EHMT1: variants seen among roughly 807,000 people sequenced by gnomAD.
EHMT1 encodes the protein euchromatic histone lysine methyltransferase 1, also known as histone-lysine N-methyltransferase EHMT1.
Under a neutral mutation model 147.2 loss-of-function variants are expected in EHMT1, and 15 were observed. The ratio of observed to expected loss-of-function variants is 0.10; its 90% confidence interval spans 0.07 to 0.16. The LOEUF (loss-of-function observed/expected upper bound fraction) is 0.16, where lower values mean the gene tolerates loss of function less well. Among genes scored for constraint, EHMT1 ranks in the 10% least tolerant of loss-of-function variants. The pLI, the probability that EHMT1 is intolerant of heterozygous loss-of-function variation, is 1.00. For synonymous variants in EHMT1, 795 were observed against 709.6 expected, an observed-to-expected ratio of 1.12 and a Z score of -1.91; for missense variants, 1,587 against 1,772.4, an observed-to-expected ratio of 0.90 and a Z score of 1.88.
intron 10 of EHMT1, among the ~76,000 whole-genome samples, chr9:137,773,973 C>T (rs1188859266): frequency 3.3e-5 from 5 of 152,156 alleles, no homozygotes; most frequent in Non-Finnish European, 1.5e-5. Context: ...CCTGGGTGCC[C>T]TCATTGCTTC....
At chr9:137,634,772 A>G (rs1197251876) in intron 1 of EHMT1, among the ~76,000 whole-genome samples, 1 of 136,626 alleles carries the variant, frequency 7.3e-6, no homozygotes, top group Non-Finnish European at 1.5e-5. Context: ...GTGCGATCTC[A>G]GCTCACTGCA....
rs1264778488 is a variant in EHMT1, at chr9:137,672,835, A to G, written c.22-38132A>G. On this transcript the variant is annotated intron_variant, in intron 1 of 26. Coordinates refer to ENST00000460843, the MANE Select transcript of EHMT1 (RefSeq NM_024757.5). ...TCCCATGCTATCTCAATCGTATTAC[A>G]GAGCAGTGTTGTGGAAACATTTAAA... Among the ~76,000 whole-genome samples, 10 of 152,220 alleles carry G rather than the reference A, an allele frequency of 6.6e-5. No individual in the cohort carries two copies. In the South Asian group the frequency reaches 2.1e-3, roughly 32 times the overall value.
intron 1 of EHMT1, among the ~76,000 whole-genome samples, chr9:137,669,413 T>TCA (rs1564562756): frequency 5.4e-4 from 16 of 29,376 alleles, no homozygotes; most frequent in Admixed American, 2.3e-3. Context: ...GCACGTGCAC[T>TCA]CCACGACTGC....
At chr9:137,803,015 G>T in intron 18 of EHMT1, 1 of 1,231,498 alleles carries the variant, frequency 8.1e-7, no homozygotes, top group Non-Finnish European at 1.0e-6. Flanking sequence ...CCCCAGGTGG[G>T]GCCACCTCAC....
chr9:137,788,118 C>G, intron 15 of EHMT1: 1 of 1,289,528 alleles, frequency 7.8e-7, no homozygotes, highest in South Asian at 1.6e-5. Flanking sequence ...CCACAGAGGC[C>G]TCTCAGAGGA....
chr9:137,677,903 A>C (rs1371814494), intron 1 of EHMT1, among the ~76,000 whole-genome samples: 1 of 141,694 alleles, frequency 7.1e-6, no homozygotes, highest in Non-Finnish European at 1.5e-5. Flanking sequence ...CTAAAAATAC[A>C]AAAAAAGAAA....
rs1950963470 is a variant in EHMT1, at chr9:137,776,437, A to C, written c.1792-181A>C. On this transcript the variant is annotated intron_variant, in intron 11 of 26. Coordinates refer to ENST00000460843, the MANE Select transcript of EHMT1 (RefSeq NM_024757.5). This position sits in a 1 kb window ranked among gnomAD's most constrained non-coding sequence, Gnocchi z 4.4. ...TTCTTCTCTGTGGGGCGAGAGCACC[A>C]CGGGAAGCATCGTTCCTCCTTCTTA... The C allele has an allele frequency of 8.2e-6, 5 of 607,586 alleles. No homozygotes were observed. The highest frequency in any genetic ancestry group is 1.5e-5 in the Non-Finnish European group (5 of 340,706). 37.6% of individuals were successfully genotyped at this position (607,586 alleles called of 1,614,324 possible).
intron 15 of EHMT1, among the ~76,000 whole-genome samples, chr9:137,783,656 TG>T (rs771158796): frequency 6.6e-6 from 1 of 152,212 alleles, no homozygotes; most frequent in Non-Finnish European, 1.5e-5. Flanking sequence ...GCTGTTTTGT[TG>T]GGGCCCCCAG....
chr9:137,679,184 C>G lies in EHMT1; in HGVS notation c.22-31783C>G, dbSNP rs200630802. Among the ~76,000 whole-genome samples, 4 of 152,222 alleles carry G rather than the reference C, an allele frequency of 2.6e-5. No homozygotes were observed. In the East Asian group the frequency reaches 7.7e-4, roughly 29 times the overall value. ...CAGGCTGGTCTCGAACTCCTGACTT[C>G]GTGATCTGCCCGCCTCGGCCTCCCA... On this transcript the variant is annotated intron_variant, in intron 1 of 26. Coordinates refer to ENST00000460843, the MANE Select transcript of EHMT1 (RefSeq NM_024757.5).
chr9:137,695,662 C>T (rs1358006487), intron 1 of EHMT1, among the ~76,000 whole-genome samples: 3 of 152,200 alleles, frequency 2.0e-5, no homozygotes, highest in Non-Finnish European at 4.4e-5. Context: ...TTGGCTAGGG[C>T]ACCCATGTGT....
At position 137,732,773 on chromosome 9, in the gene EHMT1, T is replaced by C. The variant is rs1478831026; in HGVS notation, c.823+4244T>C. ...TAGGAATTTGTCTGCCATTATCACTTTTATTTCTTCAACTGTCACTCCATT... is the reference window on the plus strand; with the variant it reads ...TAGGAATTTGTCTGCCATTATCACTCTTATTTCTTCAACTGTCACTCCATT... On this transcript the variant is annotated intron_variant, in intron 4 of 26. Coordinates refer to ENST00000460843, the MANE Select transcript of EHMT1 (RefSeq NM_024757.5). The surrounding 1 kb of genome is among the most constrained non-coding windows in gnomAD (Gnocchi z 4.6). Among the ~76,000 whole-genome samples the C allele has an allele frequency of 6.6e-6, 1 of 152,162 alleles. No homozygotes were observed. Among genetic ancestry groups the C allele is most frequent in the East Asian group, 1.9e-4 (1 of 5,194 alleles).
chr9:137,749,863 C>T (rs372590993), intron 6 of EHMT1, among the ~76,000 whole-genome samples: 7 of 152,174 alleles, frequency 4.6e-5, no homozygotes, highest in African/African-American at 1.7e-4. Flanking sequence ...GACATGAAAA[C>T]TCCTGTCAAA....
chr9:137,772,314 C>T (rs1268340580), intron 10 of EHMT1, among the ~76,000 whole-genome samples: 3 of 151,824 alleles, frequency 2.0e-5, no homozygotes, highest in Admixed American at 6.6e-5. Flanking sequence ...ATACATTTTA[C>T]GTTTGTCTCT....
chr9:137,741,380 A>G (rs147754708), intron 4 of EHMT1, among the ~76,000 whole-genome samples: 1,586 of 152,302 alleles, frequency 0.01, 35 homozygotes, highest in Admixed American at 0.047. Flanking sequence ...ACAGGTAGCA[A>G]ACTGTTTCCA....
At chr9:137,788,372 C>T (rs1374371178) in intron 15 of EHMT1, 8 of 325,942 alleles carry the variant, frequency 2.5e-5, no homozygotes, top group Admixed American at 4.6e-5. Context: ...CTTCTGCCAG[C>T]GCCTCAGCCG....
chr9:137,797,920 T>C (rs10780190), intron 16 of EHMT1, among the ~76,000 whole-genome samples: 143,250 of 152,294 alleles, frequency 0.94, 67,395 homozygotes, highest in East Asian at 1. Flanking sequence ...GTGTAAGGCG[T>C]GTGGATGGCA....
chr9:137,620,295 T>C (rs1044424249), intron 1 of EHMT1, among the ~76,000 whole-genome samples: 4 of 152,212 alleles, frequency 2.6e-5, no homozygotes, highest in Non-Finnish European at 5.9e-5. Flanking sequence ...TGATGAATTC[T>C]ATCATTTATG....
At chr9:137,712,119 C>A (rs1198552954) in intron 2 of EHMT1, among the ~76,000 whole-genome samples, 1 of 152,202 alleles carries the variant, frequency 6.6e-6, no homozygotes, top group African/African-American at 2.4e-5. Context: ...TGTTTTCTTC[C>A]TGTACTTTGG....
intron 9 of EHMT1, among the ~76,000 whole-genome samples, chr9:137,761,105 T>C (rs1949778224): frequency 6.6e-6 from 1 of 152,210 alleles, no homozygotes; most frequent in Non-Finnish European, 1.5e-5. Flanking sequence ...AGAAGCACGT[T>C]GGGAGCTGCA....
Sources: allele counts gnomAD v4.1 joint callset (sites outside exome capture counted in the v4.1 genomes callset), GRCh38; gene constraint gnomAD v4.1.1; non-coding constraint Gnocchi (gnomAD v3.1); transcripts MANE v1.5; gene names NCBI Gene and HGNC (gene_info 2026-07-23, HGNC 2026-07-21).